Variants in ABI1 observed in about 807,000 individuals in gnomAD.
ABI1 encodes the protein Abelson interactor 1.
Under a neutral mutation model 54.6 loss-of-function variants are expected in ABI1, and 14 were observed. The observed-to-expected ratio is 0.26, with a 90% CI of 0.17 to 0.40. The LOEUF (loss-of-function observed/expected upper bound fraction) is 0.40, where lower values mean the gene tolerates loss of function less well. ABI1 is among the 10% of genes least tolerant of loss of function. The pLI, the probability that ABI1 is intolerant of heterozygous loss-of-function variation, is 1.00. For synonymous variants in ABI1, 194 were observed against 209.3 expected, an observed-to-expected ratio of 0.93 and a Z score of 0.63; for missense variants, 443 against 598.3, an observed-to-expected ratio of 0.74 and a Z score of 2.71.
In ABI1 at chr10:26,851,359, T is replaced by TTTTTTTTTTTTTC. The variant is rs1564585786; in HGVS notation, c.117+9387_117+9388insGAAAAAAAAAAAA. 8.0e-5 allele frequency among the ~76,000 whole-genome samples: 11 copies of TTTTTTTTTTTTTC among 137,786 alleles called. 1 individual carries two copies. Among genetic ancestry groups the TTTTTTTTTTTTTC allele is most frequent in the African/African-American group, 3.1e-4 (11 of 35,950 alleles). The allele number at this position is 137,786 out of a possible 152,430, so 90.4% of individuals were successfully genotyped here. A position where few individuals can be genotyped will look rare whatever the true frequency, so the allele number is the denominator to read the frequency against. On this transcript the variant is annotated intron_variant, in intron 1 of 10. Transcript: ENST00000376140. The stretch of plus-strand genomic sequence containing the variant: ...TACAGACTAAGCTAATTTTTTTTTT[T>TTTTTTTTTTTTTC]TTTTTTTTTTTTTTTGAGACAGGGT...
At position 26,747,454 on chromosome 10, in the gene ABI1, C is replaced by A. The variant is rs939046401; in HGVS notation, c.*1116G>T. The A allele has an allele frequency of 4.7e-6, 1 of 214,136 alleles. No homozygotes were observed. Among genetic ancestry groups the A allele is most frequent in the East Asian group, 6.9e-5 (1 of 14,412 alleles). The allele number at this position is 214,136 out of a possible 1,614,324, so 13.3% of individuals were successfully genotyped here. On this transcript the variant is annotated 3_prime_UTR_variant, in exon 11 of 11. Coordinates refer to ENST00000376140, the MANE Select transcript of ABI1 (RefSeq NM_001012750.3). ...ATTTTATTTTAAAATTCTAATGTTGCTAGTGCCAGGTAATGGATTAAAGAG... is the reference window on the plus strand; with the variant it reads ...ATTTTATTTTAAAATTCTAATGTTGATAGTGCCAGGTAATGGATTAAAGAG...
At chr10:26,769,668 T>C (rs1021427088) in intron 5 of ABI1, among the ~76,000 whole-genome samples, 1 of 152,174 alleles carries the variant, frequency 6.6e-6, no homozygotes, top group Non-Finnish European at 1.5e-5. Flanking sequence ...CACTGAGAAC[T>C]AGGAAGGAAG....
intron 1 of ABI1, chr10:26,839,648 GT>G: frequency 3.4e-6 from 2 of 596,808 alleles, no homozygotes; most frequent in South Asian, 1.9e-5. Flanking sequence ...AAGTACTTCT[GT>G]TTAAAAAAAA....
chr10:26,831,709 A>G (rs1403194373), intron 1 of ABI1, among the ~76,000 whole-genome samples: 1 of 137,522 alleles, frequency 7.3e-6, no homozygotes, highest in African/African-American at 3.0e-5. Context: ...CATAGAAATT[A>G]TTTTTTAAAT....
At chr10:26,795,601 A>C (rs1844051645) in intron 2 of ABI1, among the ~76,000 whole-genome samples, 1 of 152,208 alleles carries the variant, frequency 6.6e-6, no homozygotes, top group Non-Finnish European at 1.5e-5. Context: ...ACATTTCTAC[A>C]CACAATAACC....
intron 3 of ABI1, 89 bp downstream of exon 3, chr10:26,776,976 T>A (rs1385205978): frequency 1.7e-6 from 2 of 1,169,312 alleles, no homozygotes; most frequent in Non-Finnish European, 2.4e-6. Context: ...AAAGAGAATC[T>A]ATTAAAATCA....
At position 26,860,553 on chromosome 10, in the gene ABI1, C is replaced by T. The variant is rs1316273816; in HGVS notation, c.117+194G>A. On this transcript the variant is annotated intron_variant, in intron 1 of 10. Transcript: ENST00000376140. The surrounding 1 kb of genome is among the most constrained non-coding windows in gnomAD (Gnocchi z 4.1). ...CGGTTTCCACCACCACAGCCACTTCCTGTATCGCAGCCCGACTCCCTCAGC... is the reference window on the plus strand; with the variant it reads ...CGGTTTCCACCACCACAGCCACTTCTTGTATCGCAGCCCGACTCCCTCAGC... 6.6e-5 allele frequency among the ~76,000 whole-genome samples: 10 copies of T among 152,214 alleles called. No homozygotes were observed. Among genetic ancestry groups the T allele is most frequent in the Admixed American group, 5.9e-4 (9 of 15,288 alleles).
chr10:26,807,814 G>A (rs191611346), intron 2 of ABI1, among the ~76,000 whole-genome samples: 4 of 152,178 alleles, frequency 2.6e-5, no homozygotes, highest in African/African-American at 2.4e-5. Flanking sequence ...AAACCCAGCC[G>A]GGCATGGTGG....
chr10:26,852,520 T>G (rs988128859), intron 1 of ABI1, among the ~76,000 whole-genome samples: 1 of 152,164 alleles, frequency 6.6e-6, no homozygotes, highest in Admixed American at 6.5e-5. Flanking sequence ...TTACAACTCT[T>G]AAGTTGCTAA....
intron 1 of ABI1, among the ~76,000 whole-genome samples, chr10:26,857,537 G>C (rs2050923687): frequency 6.6e-6 from 1 of 151,496 alleles, no homozygotes; most frequent in East Asian, 1.9e-4. Flanking sequence ...CAGCTACCTG[G>C]GGGGGCTGAG....
chr10:26,843,911 T>G (rs148986789), intron 1 of ABI1, among the ~76,000 whole-genome samples: 1 of 152,314 alleles, frequency 6.6e-6, no homozygotes, highest in East Asian at 1.9e-4. Flanking sequence ...TATCTTATAT[T>G]TAACCACTCA....
At chr10:26,767,009 T>C (rs2132677283) in intron 6 of ABI1, among the ~76,000 whole-genome samples, 1 of 152,290 alleles carries the variant, frequency 6.6e-6, no homozygotes, top group African/African-American at 2.4e-5. Context: ...TCCTAAAATA[T>C]TGACAATCTG....
intron 3 of ABI1, among the ~76,000 whole-genome samples, chr10:26,774,480 T>A (rs751704137): frequency 2.0e-5 from 3 of 152,204 alleles, no homozygotes; most frequent in Non-Finnish European, 4.4e-5. Context: ...AAAGATCATC[T>A]TCTTTTCATT....
At chr10:26,750,768 C>T (rs1177262190) in intron 10 of ABI1, among the ~76,000 whole-genome samples, 1 of 152,138 alleles carries the variant, frequency 6.6e-6, no homozygotes, top group African/African-American at 2.4e-5. Context: ...TAGCACAGAA[C>T]TGGATGAAAA....
At chr10:26,779,466 G>C (rs1841839747) in intron 2 of ABI1, among the ~76,000 whole-genome samples, 1 of 152,194 alleles carries the variant, frequency 6.6e-6, no homozygotes, top group African/African-American at 2.4e-5. Context: ...TCCAGACTAA[G>C]ATTTGTCTAG....
chr10:26,818,333 T>A (rs1280643907), intron 2 of ABI1, among the ~76,000 whole-genome samples: 2 of 151,304 alleles, frequency 1.3e-5, no homozygotes, highest in East Asian at 2.0e-4. Context: ...AAAACAAAAA[T>A]AATGGCTAGG....
chr10:26,755,762 T>G (rs1274356419), intron 8 of ABI1, 21 bp from the exon 9 acceptor site: 1 of 1,529,346 alleles, frequency 6.5e-7, no homozygotes, highest in Admixed American at 1.8e-5. Flanking sequence ...CAACACAGTA[T>G]GGGGGAAGTA....
At chr10:26,821,282 T>C (rs1244221465) in intron 2 of ABI1, among the ~76,000 whole-genome samples, 3 of 136,146 alleles carry the variant, frequency 2.2e-5, no homozygotes, top group Non-Finnish European at 3.2e-5. Flanking sequence ...AGCAAATCAA[T>C]CCCAAGGTAA....
rs1439753851 is a variant in ABI1 at position 26,860,734 on chromosome 10, C to T, written c.117+13G>A. The T allele has an allele frequency of 6.2e-7, 1 of 1,609,968 alleles. No individual in the cohort carries two copies. The highest frequency in any genetic ancestry group is 8.5e-7 in the Non-Finnish European group (1 of 1,176,572). On this transcript the variant is annotated intron_variant, in intron 1 of 10. Transcript: ENST00000376140. The surrounding 1 kb of genome is among the most constrained non-coding windows in gnomAD (Gnocchi z 4.1). ...GACCCGGCCAGCGCCCGCCGGCCGCCAGAGCGCCTCACCTGTATGTAGTTG... is the reference window on the plus strand; with the variant it reads ...GACCCGGCCAGCGCCCGCCGGCCGCTAGAGCGCCTCACCTGTATGTAGTTG...
Sources: allele counts gnomAD v4.1 joint callset (sites outside exome capture counted in the v4.1 genomes callset), GRCh38; gene constraint gnomAD v4.1.1; non-coding constraint Gnocchi (gnomAD v3.1); transcripts MANE v1.5; gene names NCBI Gene and HGNC (gene_info 2026-07-23, HGNC 2026-07-21).